The following SPIDR variants were observed in gnomAD, a reference collection of about 807,000 sequenced individuals.
SPIDR encodes the protein DNA repair-scaffolding protein.
Under a neutral mutation model 104.6 loss-of-function variants are expected in SPIDR, and 93 were observed. The observed-to-expected ratio is 0.89, with a 90% CI of 0.75 to 1.06. The LOEUF (loss-of-function observed/expected upper bound fraction) is 1.06. SPIDR is among the 50% of genes least tolerant of loss of function. The pLI, the probability that SPIDR is intolerant of heterozygous loss-of-function variation, is 0.00. For synonymous variants in SPIDR, 431 were observed against 416.9 expected, an observed-to-expected ratio of 1.03 and a Z score of -0.41; for missense variants, 1,154 against 1,111.2, an observed-to-expected ratio of 1.04 and a Z score of -0.55.
intron 5 of SPIDR, among the ~76,000 whole-genome samples, chr8:47,373,049 T>C (rs1332511795): frequency 3.9e-5 from 6 of 152,214 alleles, no homozygotes; most frequent in Non-Finnish European, 8.8e-5. Context: ...ATGAACCTTG[T>C]GATCTAACTG....
intron 10 of SPIDR, among the ~76,000 whole-genome samples, chr8:47,643,391 C>T (rs748259878): frequency 6.6e-6 from 1 of 152,068 alleles, no homozygotes; most frequent in Non-Finnish European, 1.5e-5. Flanking sequence ...CTCTCTTACC[C>T]AGGCTGGAGT....
At chr8:47,544,465 T>C (rs2088860853) in intron 8 of SPIDR, among the ~76,000 whole-genome samples, 1 of 152,228 alleles carries the variant, frequency 6.6e-6, no homozygotes, top group Non-Finnish European at 1.5e-5. Flanking sequence ...CAAAAGATTT[T>C]CTCCTGTGTC....
intron 5 of SPIDR, among the ~76,000 whole-genome samples, chr8:47,361,339 A>G (rs1340376000): frequency 6.6e-6 from 1 of 152,224 alleles, no homozygotes; most frequent in Non-Finnish European, 1.5e-5. Flanking sequence ...AGACAGGATG[A>G]GCACTCAGTG....
At chr8:47,646,903 G>A (rs1257879496) in intron 10 of SPIDR, among the ~76,000 whole-genome samples, 1 of 152,020 alleles carries the variant, frequency 6.6e-6, no homozygotes, top group Admixed American at 6.6e-5. Flanking sequence ...TATATATTTT[G>A]GAAAGCAGTA....
chr8:47,364,927 C>A (rs2056897574), intron 5 of SPIDR, among the ~76,000 whole-genome samples: 1 of 152,188 alleles, frequency 6.6e-6, no homozygotes, highest in Admixed American at 6.5e-5. Context: ...TGTGTGGGTG[C>A]CCTGGCAGAA....
At position 47,396,523 on chromosome 8, in the gene SPIDR, G is replaced by C; in HGVS notation, c.673G>C (p.Asp225His). The C allele has an allele frequency of 6.2e-7, 1 of 1,614,118 alleles. No individual in the cohort carries two copies. Among genetic ancestry groups the C allele is most frequent in the Non-Finnish European group, 8.5e-7 (1 of 1,180,020 alleles). ...DARQIMERLI[D>H]PRTKSTETIL... The stretch of plus-strand genomic sequence containing the variant: ...AAGACAGATTATGGAGAGACTGATA[G>C]ATCCAAGGACAAAATCAACAGAGAC... The change falls in exon 6 of 20, where the codon GAT becomes CAT. Residue 225 changes from aspartate (D) to histidine (H), a missense_variant. Asp to His is a moderately conservative substitution (Grantham distance 81, BLOSUM62 -1). Coordinates refer to ENST00000297423, the MANE Select transcript of SPIDR (RefSeq NM_001080394.4).
chr8:47,557,485 T>A (rs146861269), intron 8 of SPIDR, among the ~76,000 whole-genome samples: 47 of 152,336 alleles, frequency 3.1e-4, no homozygotes, highest in African/African-American at 1.1e-3. Context: ...TTTTTGGTTA[T>A]GTCCTAAACT....
intron 7 of SPIDR, among the ~76,000 whole-genome samples, chr8:47,421,236 T>C (rs1349452200): frequency 6.6e-6 from 1 of 152,260 alleles, no homozygotes; most frequent in Non-Finnish European, 1.5e-5. Flanking sequence ...CCCTGTCACT[T>C]TCGGGTACAC....
chr8:47,517,359 GC>G (rs1334756321), intron 8 of SPIDR, among the ~76,000 whole-genome samples: 1 of 152,090 alleles, frequency 6.6e-6, no homozygotes, highest in African/African-American at 2.4e-5. Flanking sequence ...ATAAAAGTCT[GC>G]TACTAAGATA....
intron 5 of SPIDR, among the ~76,000 whole-genome samples, chr8:47,312,032 C>G (rs1423847738): frequency 6.6e-5 from 10 of 152,164 alleles, no homozygotes; most frequent in Non-Finnish European, 1.5e-4. Context: ...ATCCATGTCC[C>G]TACAAAGGAC....
At chr8:47,672,601 C>G (rs1034784576) in intron 10 of SPIDR, among the ~76,000 whole-genome samples, 4 of 152,186 alleles carry the variant, frequency 2.6e-5, no homozygotes, top group Admixed American at 2.6e-4. Flanking sequence ...CATCCTTCTT[C>G]AAATCTATCA....
chr8:47,436,246 G>A (rs1411818573), intron 7 of SPIDR, among the ~76,000 whole-genome samples: 1 of 152,198 alleles, frequency 6.6e-6, no homozygotes, highest in Non-Finnish European at 1.5e-5. Flanking sequence ...TCAAGGGAAG[G>A]AATAGTTGCT....
chr8:47,633,499 T>C (rs2067382321), intron 10 of SPIDR, among the ~76,000 whole-genome samples: 1 of 146,388 alleles, frequency 6.8e-6, no homozygotes, highest in Non-Finnish European at 1.5e-5. Flanking sequence ...CTGATGTGTA[T>C]AAGAGGATAT....
intron 5 of SPIDR, among the ~76,000 whole-genome samples, chr8:47,350,253 C>T (rs782151555): frequency 7.2e-5 from 11 of 152,166 alleles, no homozygotes; most frequent in Non-Finnish European, 1.3e-4. Context: ...AGTGTGATTG[C>T]TAAGATTAGC....
intron 16 of SPIDR, among the ~76,000 whole-genome samples, chr8:47,723,545 T>C (rs2083740933): frequency 6.6e-6 from 1 of 150,666 alleles, no homozygotes; most frequent in Non-Finnish European, 1.5e-5. Context: ...TTCTTCTGCC[T>C]CAGCCTCCTG....
intron 10 of SPIDR, among the ~76,000 whole-genome samples, chr8:47,634,138 A>T (rs2067509541): frequency 7.1e-6 from 1 of 140,518 alleles, no homozygotes; most frequent in East Asian, 2.1e-4. Flanking sequence ...GTCTAGTTAG[A>T]TCCTCAATGC....
intron 17 of SPIDR, 40 bp from the exon 18 acceptor site, chr8:47,728,893 C>T (rs762567938): frequency 6.4e-7 from 1 of 1,573,340 alleles, no homozygotes; most frequent in East Asian, 2.3e-5. Context: ...TGACTTGTGC[C>T]TCCCGGGGCC....
intron 8 of SPIDR, among the ~76,000 whole-genome samples, chr8:47,456,143 C>T (rs1256489431): frequency 6.6e-6 from 1 of 152,180 alleles, no homozygotes; most frequent in African/African-American, 2.4e-5. Context: ...AATTTATATG[C>T]TACAGTCCTA....
chr8:47,538,857 CTTT>C (rs1161571829), intron 8 of SPIDR, among the ~76,000 whole-genome samples: 1 of 100,864 alleles, frequency 9.9e-6, no homozygotes, highest in Non-Finnish European at 2.1e-5. Flanking sequence ...TTTTTCTTTT[CTTT>C]TTTTTTTTTT....
Sources: gnomAD v4.1 joint callset for allele counts (sites outside exome capture counted in the v4.1 genomes callset) on GRCh38, gnomAD v4.1.1 for gene constraint, MANE v1.5 for transcripts, NCBI Gene and HGNC (gene_info 2026-07-23, HGNC 2026-07-21) for gene names.